DOCK3: variants seen among roughly 807,000 people sequenced by gnomAD.
DOCK3 encodes the protein dedicator of cytokinesis protein 3.
A neutral mutation model predicts 265.6 loss-of-function variants in DOCK3; 60 were observed. That is an observed-to-expected ratio of 0.23 (90% CI 0.18 to 0.28). DOCK3 has a LOEUF of 0.28. Among genes scored for constraint, DOCK3 ranks in the 10% least tolerant of loss-of-function variants. The probability of loss-of-function intolerance (pLI) is 1.00; values close to 1 mark genes in which losing one functional copy is unlikely to be tolerated. For synonymous variants in DOCK3, 881 were observed against 938.0 expected (o/e 0.94, Z 1.11); for missense variants, 1,981 against 2,594.3 (o/e 0.76, Z 5.14).
At position 51,068,674 on chromosome 3, in the gene DOCK3, C is replaced by T. The variant is rs149934336; in HGVS notation, c.464+4078C>T. Among the ~76,000 whole-genome samples, 513 of 151,948 alleles carry T rather than the reference C, an allele frequency of 3.4e-3. 1 individual carries two copies. The highest frequency in any genetic ancestry group is 5.3e-3 in the Non-Finnish European group (357 of 67,990). On this transcript the variant is annotated intron_variant, in intron 6 of 52. Coordinates refer to ENST00000266037, the MANE Select transcript of DOCK3 (RefSeq NM_004947.5). ...AGCGTTGTATGGTGGAAGGGTAGAG[C>T]TGGTATTTGTACCTAGAACTGATCC... is the stretch of plus-strand genomic sequence containing the variant.
intron 2 of DOCK3, among the ~76,000 whole-genome samples, chr3:50,782,131 G>A (rs1200430014): frequency 6.6e-6 from 1 of 151,970 alleles, no homozygotes; most frequent in East Asian, 1.9e-4. Flanking sequence ...ATTCCTTCGG[G>A]TATATATGCA....
intron 1 of DOCK3, chr3:50,719,785 T>A: frequency 1.2e-6 from 1 of 862,376 alleles, no homozygotes; most frequent in Non-Finnish European, 2.0e-6. Flanking sequence ...GTGAAGTCAC[T>A]ACCCTGACAC....
At chr3:50,804,060 C>T (rs1293332988) in intron 2 of DOCK3, among the ~76,000 whole-genome samples, 21 of 149,358 alleles carry the variant, frequency 1.4e-4, no homozygotes, top group East Asian at 4.0e-4. Context: ...AGTTCCCAGA[C>T]GGGGTCGCGG....
At chr3:51,134,413 G>A (rs1328918000) in intron 9 of DOCK3, among the ~76,000 whole-genome samples, 1 of 152,192 alleles carries the variant, frequency 6.6e-6, no homozygotes, top group African/African-American at 2.4e-5. Flanking sequence ...ATTTACTCAT[G>A]TGTCTGTTTT....
chr3:51,299,429 C>T (rs2082265890), intron 27 of DOCK3, among the ~76,000 whole-genome samples: 1 of 152,052 alleles, frequency 6.6e-6, no homozygotes, highest in Non-Finnish European at 1.5e-5. Flanking sequence ...AATTAGATCC[C>T]ATTTGTCAAT....
chr3:50,975,441 A>G (rs1179669733), intron 5 of DOCK3, among the ~76,000 whole-genome samples: 3 of 150,044 alleles, frequency 2.0e-5, no homozygotes, highest in African/African-American at 7.3e-5. Flanking sequence ...GCTGGATTAC[A>G]TTTATTGATT....
Position 50,948,345 on chromosome 3 carries a change from G to A in DOCK3, c.315+14268G>A, listed in dbSNP as rs373959266. ...GCTGGGATTACAGGCGTGAGCCACC[G>A]CGCCTGGCCTCTGCAGATATTTTTT... is the stretch of plus-strand genomic sequence containing the variant. On this transcript the variant is annotated intron_variant, in intron 5 of 52. Coordinates refer to ENST00000266037, the MANE Select transcript of DOCK3 (RefSeq NM_004947.5). Among the ~76,000 whole-genome samples the A allele has an allele frequency of 3.3e-5, 5 of 149,952 alleles. No individual in the cohort carries two copies. The East Asian group carries it at 5.9e-4, about 18-fold the overall frequency.
At chr3:51,282,101 C>T (rs1284109155) in intron 27 of DOCK3, among the ~76,000 whole-genome samples, 1 of 152,112 alleles carries the variant, frequency 6.6e-6, no homozygotes, top group Admixed American at 6.6e-5. Context: ...TATACCCGAC[C>T]CAATTGGCTA....
intron 1 of DOCK3, among the ~76,000 whole-genome samples, chr3:50,709,385 A>G (rs868615708): frequency 5.9e-5 from 9 of 151,792 alleles, no homozygotes; most frequent in Non-Finnish European, 8.8e-5. Context: ...CTGCCTTTTT[A>G]TTTCTTTTTC....
chr3:50,877,979 G>C (rs2047799841), intron 3 of DOCK3, among the ~76,000 whole-genome samples: 1 of 152,198 alleles, frequency 6.6e-6, no homozygotes, highest in Non-Finnish European at 1.5e-5. Context: ...TTGCTGTTCT[G>C]CAGCCTCCGC....
intron 4 of DOCK3, among the ~76,000 whole-genome samples, chr3:50,925,482 A>G (rs1461204143): frequency 6.6e-6 from 1 of 152,118 alleles, no homozygotes; most frequent in Non-Finnish European, 1.5e-5. Context: ...GTTTGAGGCC[A>G]TAGTGCACTA....
chr3:51,106,479 G>T (rs530740159), intron 9 of DOCK3, among the ~76,000 whole-genome samples: 1 of 152,158 alleles, frequency 6.6e-6, no homozygotes, highest in South Asian at 2.1e-4. Context: ...GTGTGTGTGC[G>T]TGCACCCTGC....
intron 5 of DOCK3, among the ~76,000 whole-genome samples, chr3:50,964,286 A>G (rs572072183): frequency 1.6e-4 from 25 of 152,348 alleles, no homozygotes; most frequent in African/African-American, 4.8e-4. Flanking sequence ...CAGCACTTCA[A>G]TATGATTAAA....
chr3:50,848,212 G>T (rs2046184054), intron 3 of DOCK3, among the ~76,000 whole-genome samples: 1 of 152,172 alleles, frequency 6.6e-6, no homozygotes, highest in African/African-American at 2.4e-5. Flanking sequence ...TGGATCTCCT[G>T]AAGATGGCAG....
chr3:51,275,160 C>T lies in DOCK3; in HGVS notation c.2630C>T (p.Ser877Leu). The change falls in exon 25 of 53, where the codon TCA becomes TTA. Residue 877 changes from serine (S) to leucine (L), a missense_variant. Around this residue, in one of 4 missense-constraint regions of DOCK3, gnomAD observed 1,357 missense variants for 1,866.8 expected, o/e 0.73. Transcript: ENST00000266037. ...CAGCAGAAAGAGCTGCTAATTTGCT[C>T]AGGGATTCTTGGCAGCATCTTCTCC... ...LRQQKELLICSGILGSIFSIV... is the reference protein window; with the variant it reads ...LRQQKELLICLGILGSIFSIV... The T allele has an allele frequency of 6.2e-7, 1 of 1,614,016 alleles. No individual in the cohort carries two copies. The highest frequency in any genetic ancestry group is 8.5e-7 in the Non-Finnish European group (1 of 1,179,896).
Position 51,225,645 on chromosome 3 carries a change from G to C in DOCK3, c.1253-4G>C. 1 of 1,608,436 alleles carries C rather than the reference G, an allele frequency of 6.2e-7. No individual in the cohort carries two copies. The highest frequency in any genetic ancestry group is 8.5e-7 in the Non-Finnish European group (1 of 1,177,490). ...ATAAGGATGTGGCATTTCTTTCCCC[G>C]CAGGTGATATCCGCAATGACCTGTA... On this transcript the variant is annotated splice_region_variant and splice_polypyrimidine_tract_variant and intron_variant, in intron 14 of 52. Coordinates refer to ENST00000266037, the MANE Select transcript of DOCK3 (RefSeq NM_004947.5).
intron 5 of DOCK3, among the ~76,000 whole-genome samples, chr3:50,979,007 C>T (rs1559891915): frequency 6.6e-6 from 1 of 152,156 alleles, no homozygotes; most frequent in African/African-American, 2.4e-5. Context: ...CTTCGGCTCG[C>T]GTACGGTGCG....
At chr3:50,983,697 C>G (rs2077787203) in intron 5 of DOCK3, among the ~76,000 whole-genome samples, 1 of 152,180 alleles carries the variant, frequency 6.6e-6, no homozygotes, top group South Asian at 2.1e-4. Flanking sequence ...TGCTCATCCT[C>G]CACTTGCCTG....
chr3:51,123,047 C>T (rs1434889465), intron 9 of DOCK3, among the ~76,000 whole-genome samples: 2 of 152,176 alleles, frequency 1.3e-5, no homozygotes, highest in Admixed American at 1.3e-4. Flanking sequence ...ATGCCTCATA[C>T]CTCAGCATCC....
Sources: allele counts gnomAD v4.1 joint callset (sites outside exome capture counted in the v4.1 genomes callset), GRCh38; gene constraint gnomAD v4.1.1; regional missense constraint gnomAD v4.1.1; transcripts MANE v1.5; gene names NCBI Gene and HGNC (gene_info 2026-07-23, HGNC 2026-07-21).